TRIQK: variants seen among roughly 807,000 people sequenced by gnomAD.
TRIQK encodes the protein triple QxxK/R motif containing.
TRIQK carries 10 observed loss-of-function variants against 10.8 expected under a neutral mutation model. That is an observed-to-expected ratio of 0.92 (90% CI 0.57 to 1.57). The LOEUF is 1.57. TRIQK is among the 40% of genes most tolerant of loss of function. TRIQK has a pLI of 0.00. For missense variants in TRIQK, 107 were observed against 97.7 expected, an observed-to-expected ratio of 1.09 and a Z score of -0.40; for synonymous variants, 33 against 33.7, an observed-to-expected ratio of 0.98 and a Z score of 0.07.
At chr8:92,971,210 G>A (rs1475488170) in intron 1 of TRIQK, among the ~76,000 whole-genome samples, 1 of 152,038 alleles carries the variant, frequency 6.6e-6, no homozygotes, top group Non-Finnish European at 1.5e-5. Context: ...TTGTAGTATA[G>A]TTTAAAGTTA....
chr8:92,987,755 T>A (rs966969797), intron 1 of TRIQK, among the ~76,000 whole-genome samples: 1 of 152,146 alleles, frequency 6.6e-6, no homozygotes, highest in African/African-American at 2.4e-5. Context: ...TATTCTAGGA[T>A]ACTATGCACG....
chr8:92,985,973 G>C (rs1202142759), intron 1 of TRIQK, among the ~76,000 whole-genome samples: 2 of 152,180 alleles, frequency 1.3e-5, no homozygotes, highest in East Asian at 3.9e-4. Context: ...GTTGTTAAGG[G>C]TACCAGATAC....
At chr8:92,959,768 T>C (rs1236860352) in intron 1 of TRIQK, among the ~76,000 whole-genome samples, 1 of 152,106 alleles carries the variant, frequency 6.6e-6, no homozygotes, top group Non-Finnish European at 1.5e-5. Context: ...TAGGGTTACA[T>C]ACCGATAAAC....
intron 1 of TRIQK, among the ~76,000 whole-genome samples, chr8:92,971,326 T>C (rs550171212): frequency 6.6e-6 from 1 of 152,070 alleles, no homozygotes; most frequent in Non-Finnish European, 1.5e-5. Context: ...AAATAAAGGG[T>C]ATTCAAATAG....
At chr8:92,960,228 ATCTT>A (rs1327612821) in intron 1 of TRIQK, among the ~76,000 whole-genome samples, 1 of 151,994 alleles carries the variant, frequency 6.6e-6, no homozygotes, top group Non-Finnish European at 1.5e-5. Flanking sequence ...CTATGTATCT[ATCTT>A]CTTGTCTCTT....
intron 1 of TRIQK, among the ~76,000 whole-genome samples, chr8:92,988,505 A>G (rs955235703): frequency 1.8e-4 from 28 of 151,980 alleles, no homozygotes; most frequent in African/African-American, 5.3e-4. Flanking sequence ...TTTATTTTCT[A>G]CTCTCGTGCT....
chr8:92,973,832 T>C (rs1310110755), intron 1 of TRIQK: 1 of 151,676 alleles, frequency 6.6e-6, no homozygotes, highest in Non-Finnish European at 1.5e-5. Context: ...GAAGGAGGAG[T>C]TTAAATGATC....
At position 93,008,135 on chromosome 8, in the gene TRIQK, T is replaced by C. The variant is rs118179912; in HGVS notation, c.-181+9474A>G. 1.4e-3 allele frequency among the ~76,000 whole-genome samples: 209 copies of C among 152,038 alleles called. 7 individuals are homozygous for C. In the East Asian group the frequency reaches 0.035, roughly 25 times the overall value. On this transcript the variant is annotated intron_variant, in intron 1 of 4. Coordinates refer to the TRIQK transcript ENST00000520686. ...AGAGAAGAACAGGTTCTAGAGCCTG[T>C]AGGGGGTGGACAGGAGGGAGAGCAT...
intron 1 of TRIQK, among the ~76,000 whole-genome samples, chr8:92,992,289 A>G (rs1315177612): frequency 6.6e-6 from 1 of 152,162 alleles, no homozygotes; most frequent in Non-Finnish European, 1.5e-5. Context: ...AAGAGCAAAG[A>G]TGGACTGCTC....
intron 1 of TRIQK, among the ~76,000 whole-genome samples, chr8:93,013,352 T>C (rs916019638): frequency 1.4e-4 from 22 of 152,194 alleles, no homozygotes; most frequent in Non-Finnish European, 2.2e-4. Flanking sequence ...GGTTAGCTTC[T>C]TGTGGTTAGG....
intron 2 of TRIQK, among the ~76,000 whole-genome samples, chr8:92,948,095 A>C (rs1811651054): frequency 6.6e-6 from 1 of 152,218 alleles, no homozygotes; most frequent in South Asian, 2.1e-4. Flanking sequence ...AACAAAAAGA[A>C]CAAAACTGAA....
intron 3 of TRIQK, among the ~76,000 whole-genome samples, chr8:92,915,093 G>C (rs1809756622): frequency 6.6e-6 from 1 of 152,134 alleles, no homozygotes; most frequent in African/African-American, 2.4e-5. Flanking sequence ...GCTAAGTGAA[G>C]TAGGCCAGAC....
chr8:92,965,150 G>C (rs1162507830), intron 1 of TRIQK: 3 of 152,094 alleles, frequency 2.0e-5, no homozygotes. Context: ...AGCTCTACAG[G>C]TTTAGCACAC....
intron 1 of TRIQK, among the ~76,000 whole-genome samples, chr8:92,989,122 G>A (rs1813068103): frequency 6.6e-6 from 1 of 152,152 alleles, no homozygotes; most frequent in Non-Finnish European, 1.5e-5. Flanking sequence ...ATCAGGAATG[G>A]AGGGGTTAAT....
At chr8:92,996,054 A>G (rs1586526258) in intron 1 of TRIQK, among the ~76,000 whole-genome samples, 1 of 152,180 alleles carries the variant, frequency 6.6e-6, no homozygotes, top group East Asian at 1.9e-4. Flanking sequence ...ACCAGTTTAG[A>G]ATGCCATTTG....
At chr8:92,993,147 A>G (rs926580707) in intron 1 of TRIQK, among the ~76,000 whole-genome samples, 3 of 152,172 alleles carry the variant, frequency 2.0e-5, no homozygotes, top group Non-Finnish European at 2.9e-5. Flanking sequence ...CTCCAGGATC[A>G]TGTCATCCAG....
chr8:92,961,720 T>G (rs1187303581), intron 1 of TRIQK, among the ~76,000 whole-genome samples: 1 of 152,226 alleles, frequency 6.6e-6, no homozygotes, highest in Non-Finnish European at 1.5e-5. Flanking sequence ...TCAAAGTATG[T>G]AAAACAAATG....
At chr8:92,963,032 G>A (rs1812539140) in intron 1 of TRIQK, among the ~76,000 whole-genome samples, 1 of 152,140 alleles carries the variant, frequency 6.6e-6, no homozygotes, top group Non-Finnish European at 1.5e-5. Context: ...AAGAGAGGAA[G>A]GAAAGAGCTA....
chr8:92,999,740 T>C (rs1357984840), intron 1 of TRIQK, among the ~76,000 whole-genome samples: 3 of 152,198 alleles, frequency 2.0e-5, no homozygotes, highest in Non-Finnish European at 4.4e-5. Flanking sequence ...TGTTGTTCTT[T>C]TGATAAAGAC....
Sources: gnomAD v4.1 joint callset for allele counts (sites outside exome capture counted in the v4.1 genomes callset) on GRCh38, gnomAD v4.1.1 for gene constraint, MANE v1.5 for transcripts, NCBI Gene and HGNC (gene_info 2026-07-23, HGNC 2026-07-21) for gene names.